The following ENAH variants were observed in gnomAD, a reference collection of about 807,000 sequenced individuals.
ENAH encodes protein enabled homolog.
A neutral mutation model predicts 78.7 loss-of-function variants in ENAH; 23 were observed. That is an observed-to-expected ratio of 0.29 (90% CI 0.21 to 0.41). ENAH has a LOEUF of 0.41. ENAH is among the 10% of genes least tolerant of loss of function. ENAH has a pLI of 1.00. For synonymous variants in ENAH, 226 were observed against 241.0 expected (o/e 0.94, Z 0.58); for missense variants, 544 against 691.0 (o/e 0.79, Z 2.39).
intron 1 of ENAH, among the ~76,000 whole-genome samples, chr1:225,574,059 C>T (rs918691401): frequency 2.6e-5 from 4 of 152,142 alleles, no homozygotes; most frequent in African/African-American, 9.7e-5. Flanking sequence ...ACTAAGATGT[C>T]ATTTATTCAG....
chr1:225,505,145 A>T (rs2096316064), intron 11 of ENAH: 1 of 879,500 alleles, frequency 1.1e-6, no homozygotes, highest in Non-Finnish European at 1.7e-6. Context: ...GTTAATAGCA[A>T]ACAAAACAAG....
At chr1:225,592,807 G>A (rs1228335806) in intron 1 of ENAH, among the ~76,000 whole-genome samples, 1 of 139,494 alleles carries the variant, frequency 7.2e-6, no homozygotes, top group Non-Finnish European at 1.5e-5. Context: ...CTGCAGACCA[G>A]ATATTTATAG....
rs11588911 is a variant in ENAH at position 225,560,452 on chromosome 1, G to T, written c.172-5369C>A. On this transcript the variant is annotated intron_variant, in intron 2 of 13. Transcript: ENST00000366843. ...GTTGCAGTGAGCCGAGATCATGCCA[G>T]TGCACTGCAGCCTGGGTGACAGAGT... Among the ~76,000 whole-genome samples the T allele has an allele frequency of 4.0e-5, 6 of 151,106 alleles. No individual in the cohort carries two copies. The East Asian group carries it at 1.2e-3, about 29-fold the overall frequency.
chr1:225,615,654 C>G (rs867754126), intron 1 of ENAH, among the ~76,000 whole-genome samples: 109 of 151,794 alleles, frequency 7.2e-4, no homozygotes, highest in African/African-American at 2.6e-3. Context: ...TCTGCCCCGC[C>G]ACCCCGTCTG....
At chr1:225,563,137 C>T (rs2096716805) in intron 2 of ENAH, among the ~76,000 whole-genome samples, 1 of 152,120 alleles carries the variant, frequency 6.6e-6, no homozygotes, top group African/African-American at 2.4e-5. Flanking sequence ...ATATACTGAT[C>T]ACGTAACCAG....
intron 3 of ENAH, among the ~76,000 whole-genome samples, chr1:225,540,427 C>T (rs2096583585): frequency 2.0e-5 from 3 of 151,890 alleles, no homozygotes; most frequent in Non-Finnish European, 4.4e-5. Context: ...CTGTTTTCTC[C>T]CACTTTTATA....
intron 11 of ENAH, chr1:225,505,079 G>A: frequency 6.5e-7 from 1 of 1,546,414 alleles, no homozygotes; most frequent in Non-Finnish European, 8.9e-7. Context: ...CCATTGAAAG[G>A]GATACACAAT....
At chr1:225,511,931 C>T (rs935400953) in intron 9 of ENAH, 72 bp from the exon 10 acceptor site, 3 of 966,640 alleles carry the variant, frequency 3.1e-6, no homozygotes, top group South Asian at 1.6e-5. Flanking sequence ...GTGTTTTACA[C>T]GAACACTTCT....
chr1:225,563,311 C>A (rs1426135246), intron 2 of ENAH, among the ~76,000 whole-genome samples: 3 of 152,042 alleles, frequency 2.0e-5, no homozygotes, highest in African/African-American at 7.2e-5. Flanking sequence ...TTATCTAGTA[C>A]CTCCTCTGTA....
rs907652378 is a variant in ENAH, at chr1:225,489,927, T to A, written c.*7848A>T. On this transcript the variant is annotated 3_prime_UTR_variant, in exon 14 of 14. Transcript: ENST00000366843. ...TCACACCACTGCACTCCAGCCTGGATGACAGAGCGAGACTGTCTCGAAATA... is the reference window on the plus strand; with the variant it reads ...TCACACCACTGCACTCCAGCCTGGAAGACAGAGCGAGACTGTCTCGAAATA... The A allele has an allele frequency of 1.3e-4, 20 of 152,104 alleles. No individual in the cohort carries two copies. Among genetic ancestry groups the A allele is most frequent in the African/African-American group, 4.8e-4 (20 of 41,400 alleles). The allele number at this position is 152,104 out of a possible 1,614,324, so 9.4% of individuals were successfully genotyped here.
intron 9 of ENAH, 56 bp from the exon 10 acceptor site, chr1:225,511,915 C>T: frequency 8.3e-7 from 1 of 1,207,290 alleles, no homozygotes; most frequent in Non-Finnish European, 1.2e-6. Flanking sequence ...TTGCTATATA[C>T]ATTTAGTGTT....
rs191311040 is a variant in ENAH at position 225,601,800 on chromosome 1, C to A, written c.6-34386G>T. Among the ~76,000 whole-genome samples the A allele has an allele frequency of 8.8e-4, 133 of 151,382 alleles. 1 individual carries two copies. The highest frequency in any genetic ancestry group is 3.2e-3 in the African/African-American group (133 of 41,308). ...AACTAAAAAAAATATAACTTAATAA[C>A]CCTTACGTTAAAAAGGAAATCAATA... On this transcript the variant is annotated intron_variant, in intron 1 of 13. Coordinates refer to ENST00000366843, the MANE Select transcript of ENAH (RefSeq NM_018212.6).
chr1:225,542,449 T>C (rs982864363), intron 3 of ENAH, among the ~76,000 whole-genome samples: 1 of 152,150 alleles, frequency 6.6e-6, no homozygotes, highest in African/African-American at 2.4e-5. Context: ...ACCAGGACTG[T>C]CCTAGTTAAA....
chr1:225,539,354 T>C (rs2096578007), intron 3 of ENAH, among the ~76,000 whole-genome samples: 1 of 152,136 alleles, frequency 6.6e-6, no homozygotes, highest in Admixed American at 6.6e-5. Context: ...ATTCATTAAT[T>C]TTTCTCATCC....
At chr1:225,521,514 G>A (rs1037129066) in intron 4 of ENAH, among the ~76,000 whole-genome samples, 18 of 151,454 alleles carry the variant, frequency 1.2e-4, no homozygotes, top group South Asian at 6.3e-4. Flanking sequence ...GGTGGTGTGC[G>A]CCTGTAATCC....
At chr1:225,617,958 T>C (rs1440163585) in intron 1 of ENAH, among the ~76,000 whole-genome samples, 1 of 152,222 alleles carries the variant, frequency 6.6e-6, no homozygotes, top group Admixed American at 6.5e-5. Context: ...TTGTTCATCG[T>C]AGCTATCAAT....
chr1:225,607,769 G>A (rs971610164), intron 1 of ENAH, among the ~76,000 whole-genome samples: 3 of 152,088 alleles, frequency 2.0e-5, no homozygotes, highest in Non-Finnish European at 2.9e-5. Context: ...AATTCTGGCA[G>A]TCAAGCTTAG....
chr1:225,648,086 A>G (rs2148501087), intron 1 of ENAH, among the ~76,000 whole-genome samples: 1 of 152,298 alleles, frequency 6.6e-6, no homozygotes, highest in Non-Finnish European at 1.5e-5. Flanking sequence ...TCTTGTTTCT[A>G]GTCAGGAAAA....
At chr1:225,591,924 A>G (rs1250283522) in intron 1 of ENAH, among the ~76,000 whole-genome samples, 2 of 152,168 alleles carry the variant, frequency 1.3e-5, no homozygotes, top group East Asian at 1.9e-4. Flanking sequence ...GTGAATTACA[A>G]TTCTGGCTCT....
Sources: gnomAD v4.1 joint callset for allele counts (sites outside exome capture counted in the v4.1 genomes callset) on GRCh38, gnomAD v4.1.1 for gene constraint, MANE v1.5 for transcripts, NCBI Gene and HGNC (gene_info 2026-07-23, HGNC 2026-07-21) for gene names.